The following TAF3 variants were observed in gnomAD, a reference collection of about 807,000 sequenced individuals.
The protein encoded by TAF3 is transcription initiation factor TFIID subunit 3.
TAF3 carries 7 observed loss-of-function variants against 80.6 expected under a neutral mutation model. That is an observed-to-expected ratio of 0.09 (90% CI 0.05 to 0.16). The LOEUF is 0.16. Among genes scored for constraint, TAF3 ranks in the 10% least tolerant of loss-of-function variants. The pLI is 1.00. For missense variants in TAF3, 921 were observed against 1,140.2 expected, an observed-to-expected ratio of 0.81 and a Z score of 2.77; for synonymous variants, 444 against 446.1, an observed-to-expected ratio of 1.00 and a Z score of 0.06.
intron 2 of TAF3, among the ~76,000 whole-genome samples, chr10:7,846,011 T>G (rs1836967389): frequency 6.8e-6 from 1 of 147,760 alleles, no homozygotes; most frequent in Admixed American, 6.9e-5. Flanking sequence ...CAGGCTGGAG[T>G]GCAGTGGCGC....
chr10:7,839,569 A>T (rs2131113249), intron 2 of TAF3, among the ~76,000 whole-genome samples: 1 of 152,328 alleles, frequency 6.6e-6, no homozygotes, highest in Middle Eastern at 3.4e-3. Flanking sequence ...TCTTGGCCCC[A>T]TCTTCTGTGT....
intron 4 of TAF3, among the ~76,000 whole-genome samples, chr10:8,001,294 A>T (rs1831941452): frequency 6.6e-6 from 1 of 152,150 alleles, no homozygotes; most frequent in Non-Finnish European, 1.5e-5. Context: ...AGGTGTTGTC[A>T]ATCTTTTTCA....
intron 2 of TAF3, among the ~76,000 whole-genome samples, chr10:7,917,878 T>C (rs1003299719): frequency 3.3e-5 from 5 of 152,016 alleles, no homozygotes; most frequent in Non-Finnish European, 7.4e-5. Flanking sequence ...CAAGAGCAAT[T>C]TGAGTGTATG....
chr10:7,824,024 G>T (rs746328033), intron 1 of TAF3, among the ~76,000 whole-genome samples: 1 of 151,726 alleles, frequency 6.6e-6, no homozygotes, highest in Non-Finnish European at 1.5e-5. Flanking sequence ...TGCTGTTCCA[G>T]ATGCTTTTGA....
chr10:7,832,789 A>T (rs1023502582), intron 2 of TAF3, among the ~76,000 whole-genome samples: 1 of 152,170 alleles, frequency 6.6e-6, no homozygotes, highest in Non-Finnish European at 1.5e-5. Flanking sequence ...GCCTCAAGTG[A>T]TCTGCCCACC....
intron 2 of TAF3, among the ~76,000 whole-genome samples, chr10:7,894,841 A>G (rs1837491016): frequency 1.3e-5 from 2 of 151,988 alleles, no homozygotes; most frequent in South Asian, 4.1e-4. Flanking sequence ...TCTGTTTTTT[A>G]TTTGATGTGC....
chr10:7,835,849 A>G (rs575409161), intron 2 of TAF3, among the ~76,000 whole-genome samples: 26 of 152,184 alleles, frequency 1.7e-4, no homozygotes, highest in African/African-American at 6.0e-4. Context: ...ACCTGCATGT[A>G]TTTTGGCACT....
At chr10:7,932,669 A>ATTTTTTT (rs34907761) in intron 2 of TAF3, among the ~76,000 whole-genome samples, 5 of 78,818 alleles carry the variant, frequency 6.3e-5, no homozygotes, top group South Asian at 4.8e-4. Flanking sequence ...GTTCCACTTA[A>ATTTTTTT]TTTTTTTTTT....
chr10:7,866,012 C>T (rs1248864749), intron 2 of TAF3, among the ~76,000 whole-genome samples: 2 of 152,176 alleles, frequency 1.3e-5, no homozygotes, highest in East Asian at 3.8e-4. Flanking sequence ...AATAGCATAT[C>T]CTGTAGCTCT....
chr10:7,830,248 C>G (rs1214828257), intron 2 of TAF3, among the ~76,000 whole-genome samples: 1 of 152,014 alleles, frequency 6.6e-6, no homozygotes, highest in Non-Finnish European at 1.5e-5. Context: ...AATTTAAACC[C>G]TTTCTCCCAG....
chr10:8,007,596 AT>A (rs1832008395), intron 4 of TAF3, among the ~76,000 whole-genome samples: 1 of 119,456 alleles, frequency 8.4e-6, no homozygotes, highest in Non-Finnish European at 1.7e-5. Context: ...ATATATATAT[AT>A]ATATATATAT....
intron 4 of TAF3, among the ~76,000 whole-genome samples, chr10:8,004,496 A>G (rs1040081729): frequency 4.6e-5 from 7 of 152,096 alleles, no homozygotes; most frequent in African/African-American, 1.4e-4. Flanking sequence ...GCTGGTGGCA[A>G]ATTCTTAGCT....
intron 2 of TAF3, among the ~76,000 whole-genome samples, chr10:7,825,457 A>G (rs1836730384): frequency 6.6e-6 from 1 of 152,154 alleles, no homozygotes; most frequent in African/African-American, 2.4e-5. Context: ...TCCCTCCCAA[A>G]TTGAAACACT....
intron 2 of TAF3, among the ~76,000 whole-genome samples, chr10:7,840,584 T>G (rs1009237688): frequency 6.6e-6 from 1 of 152,080 alleles, no homozygotes; most frequent in African/African-American, 2.4e-5. Flanking sequence ...AATTTAACAT[T>G]TCTTTATCTG....
chr10:7,907,461 A>T (rs1002327693), intron 2 of TAF3, among the ~76,000 whole-genome samples: 1 of 152,252 alleles, frequency 6.6e-6, no homozygotes, highest in Admixed American at 6.5e-5. Context: ...CAGTGAGTTC[A>T]TGGCTATTAC....
intron 2 of TAF3, among the ~76,000 whole-genome samples, chr10:7,841,539 A>G (rs1332618904): frequency 6.6e-6 from 1 of 152,228 alleles, no homozygotes; most frequent in Admixed American, 6.5e-5. Flanking sequence ...TTTTTTAAGT[A>G]GGGGGTTAGG....
intron 4 of TAF3, among the ~76,000 whole-genome samples, chr10:7,999,426 T>TA (rs550698627): frequency 0.034 from 4,720 of 138,344 alleles, 84 homozygotes; most frequent in African/African-American, 0.043. Context: ...TAAAGGCTGT[T>TA]AAAAAAAAAA....
intron 2 of TAF3, among the ~76,000 whole-genome samples, chr10:7,865,669 A>T (rs897529909): frequency 6.6e-6 from 1 of 152,174 alleles, no homozygotes; most frequent in Non-Finnish European, 1.5e-5. Context: ...AACTAGGTTC[A>T]TTCTTAGAGT....
intron 2 of TAF3, among the ~76,000 whole-genome samples, chr10:7,886,499 T>A (rs549424128): frequency 1.3e-5 from 2 of 152,394 alleles, no homozygotes; most frequent in South Asian, 2.1e-4. Flanking sequence ...GGTTTTTGCA[T>A]TTATAGACCT....
Sources: allele counts gnomAD v4.1 joint callset (sites outside exome capture counted in the v4.1 genomes callset), GRCh38; gene constraint gnomAD v4.1.1; transcripts MANE v1.5; gene names NCBI Gene and HGNC (gene_info 2026-07-23, HGNC 2026-07-21).